SHOC1: variants seen among roughly 807,000 people sequenced by gnomAD.
The protein encoded by SHOC1 is protein shortage in chiasmata 1 ortholog.
SHOC1 carries 136 observed loss-of-function variants against 179.2 expected under a neutral mutation model. That is an observed-to-expected ratio of 0.76 (90% confidence interval 0.66 to 0.87). SHOC1 has a LOEUF of 0.87. SHOC1 is among the 40% of genes least tolerant of loss of function. SHOC1 has a pLI of 0.00. For synonymous variants in SHOC1, 489 were observed against 586.6 expected, an observed-to-expected ratio of 0.83 and a Z score of 2.41; for missense variants, 1,538 against 1,700.8, an observed-to-expected ratio of 0.90 and a Z score of 1.68.
chr9:111,711,164 A>T (rs534735236), intron 18 of SHOC1, among the ~76,000 whole-genome samples: 4 of 152,248 alleles, frequency 2.6e-5, no homozygotes, highest in African/African-American at 9.6e-5. Flanking sequence ...AGAGGAAAGG[A>T]TAAAGAACAG....
At chr9:111,738,256 T>C in intron 12 of SHOC1, 24 bp downstream of exon 12, 5 of 1,576,742 alleles carry the variant, frequency 3.2e-6, no homozygotes, top group Non-Finnish European at 4.3e-6. Flanking sequence ...TTTACATAAC[T>C]AATATTTACT....
chr9:111,777,228 G>C (rs1217502733), intron 4 of SHOC1, among the ~76,000 whole-genome samples: 1 of 152,148 alleles, frequency 6.6e-6, no homozygotes, highest in African/African-American at 2.4e-5. Context: ...GTTATCCCGA[G>C]GAACAATTTG....
chr9:111,723,813 C>T lies in SHOC1; in HGVS notation c.1933G>A (p.Val645Ile), dbSNP rs1833175629. The T allele has an allele frequency of 1.9e-6, 3 of 1,612,176 alleles. No individual in the cohort carries two copies. The highest frequency in any genetic ancestry group is 2.7e-5 in the African/African-American group (2 of 74,868). ...ATACCTGACGCTTGAATTTCAATGACACTATCTGTTCCCCTTTCCTGATTT... is the reference window on the plus strand; with the variant it reads ...ATACCTGACGCTTGAATTTCAATGATACTATCTGTTCCCCTTTCCTGATTT... The part of the protein sequence containing the change: ...EINQERGTDS[V>I]IEIQASDSQC... The change falls in exon 14 of 28, where the codon GTC becomes ATC. Residue 645 changes from valine (V) to isoleucine (I), a missense_variant. Coordinates refer to ENST00000682961, the MANE Select transcript of SHOC1 (RefSeq NM_001378211.1).
At chr9:111,709,267 G>A (rs1832420990) in intron 18 of SHOC1, among the ~76,000 whole-genome samples, 1 of 152,202 alleles carries the variant, frequency 6.6e-6, no homozygotes, top group Non-Finnish European at 1.5e-5. Context: ...GCTTGAATCT[G>A]GGAGGCAGAG....
At chr9:111,785,286 T>A (rs1370761221) in intron 3 of SHOC1, among the ~76,000 whole-genome samples, 2 of 152,216 alleles carry the variant, frequency 1.3e-5, no homozygotes, top group African/African-American at 4.8e-5. Flanking sequence ...TCACTTAGCA[T>A]TACTGTCTCT....
chr9:111,686,258 CTTCT>C lies in SHOC1; in HGVS notation c.*508_*511del, dbSNP rs1169588592. On this transcript the variant is annotated 3_prime_UTR_variant, in exon 28 of 28. Coordinates refer to ENST00000682961, the MANE Select transcript of SHOC1 (RefSeq NM_001378211.1). Reference sequence around the variant, plus strand: ...TTTGCCCGTTCTTCTATCAGGTTGTCTTCTTTCTATCAATTTGTAGGAATTCTTT... The same window carrying C: ...TTTGCCCGTTCTTCTATCAGGTTGTCTTCTATCAATTTGTAGGAATTCTTT... 6.6e-6 allele frequency: 1 copy of C among 152,092 alleles called. No homozygotes were observed. Among genetic ancestry groups the C allele is most frequent in the Non-Finnish European group, 1.5e-5 (1 of 68,020 alleles). 9.4% of individuals were successfully genotyped at this position (152,092 alleles called of 1,614,324 possible).
chr9:111,748,269 G>T lies in SHOC1; in HGVS notation c.863-70C>A, dbSNP rs996544705. 8 of 1,058,304 alleles carry T rather than the reference G, an allele frequency of 7.6e-6. No homozygotes were observed. The African/African-American group carries it at 1.1e-4, about 15-fold the overall frequency. The allele number at this position is 1,058,304 out of a possible 1,614,324, so 65.6% of individuals were successfully genotyped here. On this transcript the variant is annotated intron_variant, in intron 8 of 27. Coordinates refer to ENST00000682961, the MANE Select transcript of SHOC1 (RefSeq NM_001378211.1). ...TAATTTTCTGTAACCTTGTTCAGTG[G>T]CATTTTCCTTTTAAAGTATCTTTAT...
chr9:111,690,264 A>G (rs1343000564), intron 27 of SHOC1, among the ~76,000 whole-genome samples: 1 of 152,118 alleles, frequency 6.6e-6, no homozygotes, highest in Admixed American at 6.5e-5. Flanking sequence ...TCTCTACTAA[A>G]AATAGAAATG....
intron 5 of SHOC1, among the ~76,000 whole-genome samples, chr9:111,762,308 G>GTTACTTAGGAGGCTAAGTAACCATAGCC (rs1835171222): frequency 6.6e-6 from 1 of 150,692 alleles, no homozygotes; most frequent in Non-Finnish European, 1.5e-5. Flanking sequence ...CACAGCTATG[G>GTTACTTAGGAGGCTAAGTAACCATAGCC]TCTCAGCTAC....
chr9:111,694,267 C>T lies in SHOC1; in HGVS notation c.3279G>A (p.Trp1093Ter), dbSNP rs1262271106. The change falls in exon 25 of 28, where the codon TGG becomes TGA. Residue 1093 changes from tryptophan to a stop codon, truncating the protein, a stop_gained. Coordinates refer to ENST00000682961, the MANE Select transcript of SHOC1 (RefSeq NM_001378211.1). LOFTEE classifies it high-confidence loss of function. ...AAACTTTAAGCCAGGATTTATCCAA[C>T]CATTCATGAGGATCTCTCTTTGAGG... The part of the protein sequence containing the change: ...LMTSKRDPHE[W>*]LDKSWLKVSP... The T allele has an allele frequency of 1.9e-6, 3 of 1,610,992 alleles. No individual in the cohort carries two copies. The highest frequency in any genetic ancestry group is 2.5e-6 in the Non-Finnish European group (3 of 1,178,218).
At chr9:111,775,711 C>T in intron 5 of SHOC1, 80 bp downstream of exon 5, 2 of 1,293,538 alleles carry the variant, frequency 1.5e-6, no homozygotes, top group Non-Finnish European at 2.1e-6. Flanking sequence ...TTTTATTCAA[C>T]TCAAACAAAA....
chr9:111,733,162 A>G (rs1332088268), intron 12 of SHOC1, among the ~76,000 whole-genome samples: 1 of 152,238 alleles, frequency 6.6e-6, no homozygotes, highest in African/African-American at 2.4e-5. Context: ...TGATTTGGAA[A>G]AAAAACAAAT....
At chr9:111,754,632 A>G (rs1589445183) in intron 8 of SHOC1, among the ~76,000 whole-genome samples, 1 of 152,202 alleles carries the variant, frequency 6.6e-6, no homozygotes, top group Non-Finnish European at 1.5e-5. Context: ...AAATGAAAAC[A>G]TATGTGTGGA....
intron 24 of SHOC1, among the ~76,000 whole-genome samples, chr9:111,699,071 G>A (rs1342166976): frequency 6.6e-6 from 1 of 152,126 alleles, no homozygotes; most frequent in African/African-American, 2.4e-5. Context: ...ATTCACAGCT[G>A]TATTTCGGAA....
At chr9:111,698,305 C>T (rs933084933) in intron 24 of SHOC1, among the ~76,000 whole-genome samples, 4 of 152,052 alleles carry the variant, frequency 2.6e-5, no homozygotes, top group Admixed American at 6.6e-5. Context: ...AGGTTTTCTT[C>T]GAGGGTTTTT....
At chr9:111,746,203 A>C in intron 10 of SHOC1, 31 bp downstream of exon 10, 1 of 1,392,250 alleles carries the variant, frequency 7.2e-7, no homozygotes, top group South Asian at 1.2e-5. Flanking sequence ...TCTGAATTGC[A>C]ACATGGGTTC....
In SHOC1 at chr9:111,694,348, T is replaced by C. The variant is rs200928448; in HGVS notation, c.3198A>G (p.Pro1066=). ...TTATCAAGGCAGTTGCTTCTACTCCTGGGGCAATTATAAGCTAAAAAATAT... is the reference window on the plus strand; with the variant it reads ...TTATCAAGGCAGTTGCTTCTACTCCCGGGGCAATTATAAGCTAAAAAATAT... ...EELDVKLIIA[P]GVEATALIIR... is the part of the protein sequence containing the mutation. Residue 1066 remains proline, a synonymous_variant, in exon 25 of 28, where the codon CCA becomes CCG. Coordinates refer to ENST00000682961, the MANE Select transcript of SHOC1 (RefSeq NM_001378211.1). 3.1e-6 allele frequency: 5 copies of C among 1,606,802 alleles called. No homozygotes were observed. The South Asian group carries it at 3.3e-5, about 11-fold the overall frequency.
In SHOC1 at chr9:111,780,959, T is replaced by A. The variant is rs763980406; in HGVS notation, c.228A>T (p.Ala76=). 4.3e-6 allele frequency: 7 copies of A among 1,613,296 alleles called. No individual in the cohort carries two copies. The African/African-American group carries it at 9.3e-5, about 22-fold the overall frequency. ...CAAGGAAATCCTCCACAAAGAAACT[T>A]GCTTTCCATTGGTCCAAGACTGAGG... is the stretch of plus-strand genomic sequence containing the variant. ...TDTSVLDQWK[A]SFFVEDFLEK... is the part of the protein sequence containing the mutation. The change falls in exon 4 of 28, where the codon GCA becomes GCT. Residue 76 remains alanine (A), a synonymous_variant. Coordinates refer to ENST00000682961, the MANE Select transcript of SHOC1 (RefSeq NM_001378211.1).
At chr9:111,726,141 T>C (rs756295126) in intron 13 of SHOC1, among the ~76,000 whole-genome samples, 5 of 152,172 alleles carry the variant, frequency 3.3e-5, no homozygotes, top group African/African-American at 4.8e-5. Flanking sequence ...GGTCCAAATA[T>C]TGGTTAGAAA....
Sources: gnomAD v4.1 joint callset for allele counts (sites outside exome capture counted in the v4.1 genomes callset) on GRCh38, gnomAD v4.1.1 for gene constraint, MANE v1.5 for transcripts, NCBI Gene and HGNC (gene_info 2026-07-23, HGNC 2026-07-21) for gene names.